The following H2BW1 variants were observed in gnomAD, a reference collection of about 807,000 sequenced individuals.
The protein encoded by H2BW1 is histone H2B type W-T.
A neutral mutation model predicts 8.0 loss-of-function variants in H2BW1; 9 were observed. The ratio of observed to expected loss-of-function variants is 1.13; its 90% CI spans 0.68 to 1.97. The LOEUF (loss-of-function observed/expected upper bound fraction) is 1.97, where lower values mean the gene tolerates loss of function less well. H2BW1 is among the 30% of genes most tolerant of loss of function. The pLI is 0.00. For missense variants in H2BW1, 137 were observed against 132.0 expected (o/e 1.04, Z -0.19); for synonymous variants, 58 against 54.7 (o/e 1.06, Z -0.26).
chrX:104,013,076 G>A, intron 1 of H2BW1, 94 bp downstream of exon 1: 2 of 1,104,977 alleles, frequency 1.8e-6, no homozygotes, highest in Non-Finnish European at 2.4e-6. Flanking sequence ...CGAGCCACTG[G>A]TCTTTCAGGC....
Position 104,013,352 on chromosome X carries a change from C to T in H2BW1, c.225G>A (p.Val75=), listed in dbSNP as rs1485217841. 1 of 1,210,807 alleles carries T rather than the reference C, an allele frequency of 8.3e-7. No homozygotes were observed. Among genetic ancestry groups the T allele is most frequent in the Non-Finnish European group, 1.1e-6 (1 of 895,424 alleles). ...CATGAACCAAAGAATCCATGACACT[C>T]ACGGCCTCCCGGGAAAGGCTGAGGC... is the stretch of plus-strand genomic sequence containing the variant. ...HQGLSLSREA[V]SVMDSLVHDI... The change falls in exon 1 of 3, where the codon GTG becomes GTA. Residue 75 remains valine, a synonymous_variant. Coordinates refer to ENST00000217926, the MANE Select transcript of H2BW1 (RefSeq NM_001002916.5).
In H2BW1 at chrX:104,013,166, G is replaced by T. The variant is rs782463032; in HGVS notation, c.407+4C>A. 2.3e-5 allele frequency: 27 copies of T among 1,197,007 alleles called. No homozygotes were observed. Among genetic ancestry groups the T allele is most frequent in the Non-Finnish European group, 2.5e-5 (22 of 887,974 alleles). The stretch of plus-strand genomic sequence containing the variant: ...CTGAGGGAGCGCACTTGCTCCTGGT[G>T]TACCTGAGGACAGCCTTCGTGCCTT... On this transcript the variant is annotated splice_donor_region_variant and intron_variant, in intron 1 of 2. Coordinates refer to ENST00000217926, the MANE Select transcript of H2BW1 (RefSeq NM_001002916.5).
Position 104,011,384 on chromosome X carries a change from A to T in H2BW1, c.*102T>A, listed in dbSNP as rs1333063982. 1 of 112,066 alleles carries T rather than the reference A, an allele frequency of 8.9e-6. No individual in the cohort carries two copies. The highest frequency in any genetic ancestry group is 1.9e-5 in the Non-Finnish European group (1 of 53,253). 9.2% of individuals were successfully genotyped at this position (112,066 alleles called of 1,213,427 possible). On this transcript the variant is annotated 3_prime_UTR_variant, in exon 3 of 3. Transcript: ENST00000217926. ...GTCCAGAGCGATTTAGTTGTGGCTG[A>T]TTTCGTGGGGGGTTTTTCTTGGTCT... is the stretch of plus-strand genomic sequence containing the variant.
chrX:104,011,944 C>G (rs527368962), intron 2 of H2BW1, among the ~76,000 whole-genome samples: 1 of 111,396 alleles, frequency 9.0e-6, no homozygotes, highest in African/African-American at 3.3e-5. Context: ...TCCACATACT[C>G]GGGCGGCTGG....
At chrX:104,013,130 C>T in intron 1 of H2BW1, 40 bp downstream of exon 1, 3 of 1,170,488 alleles carry the variant, frequency 2.6e-6, no homozygotes, top group Non-Finnish European at 3.4e-6. Flanking sequence ...TCCCGTGGTG[C>T]TCGGGTGCTC....
Position 104,011,278 on chromosome X carries a change from T to G in H2BW1, c.*208A>C, listed in dbSNP as rs782175037. On this transcript the variant is annotated 3_prime_UTR_variant, in exon 3 of 3. Transcript: ENST00000217926. ...TTTAGACAAGGTACACAGCTCTGTC[T>G]CTGGAAAGGAACAGGGTTCTGCCAA... is the stretch of plus-strand genomic sequence containing the variant. The G allele has an allele frequency of 1.0e-3, 116 of 112,364 alleles. No homozygotes were observed. The highest frequency in any genetic ancestry group is 3.3e-3 in the African/African-American group (103 of 30,937). The allele number at this position is 112,364 out of a possible 1,213,427, so 9.3% of individuals were successfully genotyped here.
Position 104,011,478 on chromosome X carries a change from A to G in H2BW1, c.*23-15T>C, listed in dbSNP as rs2075126479. On this transcript the variant is annotated splice_polypyrimidine_tract_variant and intron_variant, in intron 2 of 2. Transcript: ENST00000217926. ...TTTCTAATATTCTGCAAAAACAGAA[A>G]GTAGCAAATCCCAATGAGGGGACTT... is the stretch of plus-strand genomic sequence containing the variant. The G allele has an allele frequency of 8.9e-6, 1 of 112,117 alleles. No homozygotes were observed. The highest frequency in any genetic ancestry group is 3.7e-4 in the South Asian group (1 of 2,675). The allele number at this position is 112,117 out of a possible 1,213,427, so 9.2% of individuals were successfully genotyped here. A position where few individuals can be genotyped will look rare whatever the true frequency, so the allele number is the denominator to read the frequency against.
chrX:104,013,442 G>C lies in H2BW1; in HGVS notation c.135C>G (p.His45Gln). 2 of 1,212,428 alleles carry C rather than the reference G, an allele frequency of 1.6e-6. No homozygotes were observed. Among genetic ancestry groups the C allele is most frequent in the Non-Finnish European group, 1.1e-6 (1 of 895,657 alleles). ...CGAAGCTGTCCCCGCGGCAGTTGGA[G>C]TGGCACCTGCGGGGCCCATGGCGCC... ...KRGRHGPRRC[H>Q]SNCRGDSFAT... Residue 45 changes from histidine (H) to glutamine (Q), a missense_variant, in exon 1 of 3, where the codon CAC becomes CAG. By Grantham distance (24) the His-to-Gln change is conservative. Coordinates refer to ENST00000217926, the MANE Select transcript of H2BW1 (RefSeq NM_001002916.5).
In H2BW1 at chrX:104,013,283, G is replaced by T; in HGVS notation, c.294C>A (p.Arg98=). Residue 98 remains arginine, a synonymous_variant, in exon 1 of 3, where the codon CGC becomes CGA. Coordinates refer to ENST00000217926, the MANE Select transcript of H2BW1 (RefSeq NM_001002916.5). ...RIATEAGHLA[R]STKRQTITAW... is the part of the protein sequence containing the mutation. Reference sequence around the variant, plus strand: ...CAGTGATGGTCTGGCGCTTGGTGGAGCGGGCCAGGTGACCAGCCTCGGTGG... The same window carrying T: ...CAGTGATGGTCTGGCGCTTGGTGGATCGGGCCAGGTGACCAGCCTCGGTGG... 1 of 1,212,208 alleles carries T rather than the reference G, an allele frequency of 8.2e-7. No individual in the cohort carries two copies. The highest frequency in any genetic ancestry group is 1.1e-6 in the Non-Finnish European group (1 of 895,662).
At position 104,012,541 on chromosome X, in the gene H2BW1, G is replaced by A. The variant is rs782602416; in HGVS notation, c.*22+149C>T. On this transcript the variant is annotated intron_variant, in intron 2 of 2. Transcript: ENST00000217926. The stretch of plus-strand genomic sequence containing the variant: ...CGTCATGGCAAAAAAAGAATGAACT[G>A]CAATAGTGATCTCAGAGTCGAGGAA... 6 of 879,068 alleles carry A rather than the reference G, an allele frequency of 6.8e-6. No homozygotes were observed. The South Asian group carries it at 1.4e-4, about 20-fold the overall frequency. 72.4% of individuals were successfully genotyped at this position (879,068 alleles called of 1,213,427 possible).
rs200852468 is a variant in H2BW1, at chrX:104,013,421, G to C, written c.156C>G (p.Ser52Arg). The C allele has an allele frequency of 7.4e-6, 9 of 1,211,164 alleles. No homozygotes were observed. The East Asian group carries it at 2.4e-4, about 32-fold the overall frequency. ...RRCHSNCRGD[S>R]FATYFRRVLK... ...GCACCCGGCGGAAATAGGTGGCGAA[G>C]CTGTCCCCGCGGCAGTTGGAGTGGC... The change falls in exon 1 of 3, where the codon AGC becomes AGG. Residue 52 changes from serine to arginine, a missense_variant. By Grantham distance (110) the Ser-to-Arg change is moderately radical (BLOSUM62 -1). Transcript: ENST00000217926.
Position 104,012,866 on chromosome X carries a change from A to G in H2BW1, c.408-118T>C, listed in dbSNP as rs1343941584. On this transcript the variant is annotated intron_variant, in intron 1 of 2. Coordinates refer to ENST00000217926, the MANE Select transcript of H2BW1 (RefSeq NM_001002916.5). ...ACATAACTAACAAAAATGACCGTTT[A>G]CGAAACTGAGGAAATGAAACACGAT... 4.6e-6 allele frequency: 5 copies of G among 1,077,145 alleles called. No homozygotes were observed. In the African/African-American group the frequency reaches 7.4e-5, roughly 16 times the overall value. The allele number at this position is 1,077,145 out of a possible 1,213,427, so 88.8% of individuals were successfully genotyped here.
rs1271309240 is a variant in H2BW1, at chrX:104,013,237, C to T, written c.340G>A (p.Val114Met). The T allele has an allele frequency of 2.5e-6, 3 of 1,210,620 alleles. No homozygotes were observed. The highest frequency in any genetic ancestry group is 1.7e-5 in the African/African-American group (1 of 57,417). The change falls in exon 1 of 3, where the codon GTG becomes ATG. Residue 114 changes from valine (V) to methionine (M), a missense_variant. Val to Met is a conservative substitution (Grantham distance 21). Transcript: ENST00000217926. ...ATCTGCCCCGGCAGCAGCAGGCGCA[C>T]AGCCATCCGGGTCTCCCAGGCAGTG... ...TITAWETRMAVRLLLPGQMGK... is the reference protein window; with the variant it reads ...TITAWETRMAMRLLLPGQMGK...
At chrX:104,012,441 G>A (rs2075128730) in intron 2 of H2BW1, among the ~76,000 whole-genome samples, 1 of 112,187 alleles carries the variant, frequency 8.9e-6, no homozygotes, top group Non-Finnish European at 1.9e-5. Context: ...CCATTTCTGT[G>A]GACACTCCCT....
chrX:104,012,608 A>G, intron 2 of H2BW1, 82 bp downstream of exon 2: 1 of 1,190,867 alleles, frequency 8.4e-7, no homozygotes, highest in East Asian at 3.0e-5. Flanking sequence ...ATTTAGCTGT[A>G]TGTACACTGT....
At chrX:104,012,797 A>G in intron 1 of H2BW1, 49 bp from the exon 2 acceptor site, 1 of 1,208,651 alleles carries the variant, frequency 8.3e-7, no homozygotes, top group Non-Finnish European at 1.1e-6. Flanking sequence ...AGAAAAAGGT[A>G]AAGATCAGTG....
At chrX:104,012,960 A>C (rs1213353667) in intron 1 of H2BW1, among the ~76,000 whole-genome samples, 4 of 112,543 alleles carry the variant, frequency 3.6e-5, no homozygotes, top group African/African-American at 1.3e-4. Flanking sequence ...GACAATGTTT[A>C]GTACTGAGGG....
Position 104,013,272 on chromosome X carries a change from C to T in H2BW1, c.305G>A (p.Arg102His), listed in dbSNP as rs782220139. The T allele has an allele frequency of 9.1e-6, 11 of 1,210,661 alleles. No homozygotes were observed. The highest frequency in any genetic ancestry group is 5.3e-5 in the South Asian group (3 of 56,817). The change falls in exon 1 of 3, where the codon CGC (arginine) becomes CAC (histidine). Residue 102 changes from arginine to histidine, a missense_variant. Physicochemically the swap from Arg to His is conservative, Grantham distance 29. Coordinates refer to ENST00000217926, the MANE Select transcript of H2BW1 (RefSeq NM_001002916.5). ...GGTCTCCCAGGCAGTGATGGTCTGGCGCTTGGTGGAGCGGGCCAGGTGACC... is the reference window on the plus strand; with the variant it reads ...GGTCTCCCAGGCAGTGATGGTCTGGTGCTTGGTGGAGCGGGCCAGGTGACC... ...EAGHLARSTKRQTITAWETRM... is the reference protein window; with the variant it reads ...EAGHLARSTKHQTITAWETRM...
At position 104,013,527 on chromosome X, in the gene H2BW1, T is replaced by C. The variant is rs782627892; in HGVS notation, c.50A>G (p.Gln17Arg). 3 of 1,210,403 alleles carry C rather than the reference T, an allele frequency of 2.5e-6. No homozygotes were observed. The highest frequency in any genetic ancestry group is 2.2e-5 in the Admixed American group (1 of 45,865). The change falls in exon 1 of 3, where the codon CAG (glutamine) becomes CGG (arginine). Residue 17 changes from glutamine (Q) to arginine (R), a missense_variant. Gln to Arg is a conservative substitution (Grantham distance 43). Transcript: ENST00000217926. ...AGTGGAGTTGGCCTCTTTGGGCTCC[T>C]GGGTGATCAGCTGTTCCTCAGAGGT... ...ETTSEEQLIT[Q>R]EPKEANSTTS... is the part of the protein sequence containing the mutation.
Sources: gnomAD v4.1 joint callset for allele counts (sites outside exome capture counted in the v4.1 genomes callset) on GRCh38, gnomAD v4.1.1 for gene constraint, MANE v1.5 for transcripts, NCBI Gene and HGNC (gene_info 2026-07-23, HGNC 2026-07-21) for gene names.